SHTN1: variants seen among roughly 807,000 people sequenced by gnomAD.
SHTN1 encodes shootin 1.
Under a neutral mutation model 83.1 loss-of-function variants are expected in SHTN1, and 42 were observed. The ratio of observed to expected loss-of-function variants is 0.51; its 90% CI spans 0.39 to 0.65. SHTN1 has a LOEUF of 0.65. Among genes scored for constraint, SHTN1 ranks in the 30% least tolerant of loss-of-function variants. The pLI is 0.00. For synonymous variants in SHTN1, 224 were observed against 247.7 expected (o/e 0.90, Z 0.90); for missense variants, 622 against 737.8 (o/e 0.84, Z 1.82).
intron 2 of SHTN1, among the ~76,000 whole-genome samples, chr10:117,026,518 A>G (rs1446114599): frequency 6.6e-6 from 1 of 151,504 alleles, no homozygotes; most frequent in African/African-American, 2.4e-5. Flanking sequence ...CTTCTCCCGA[A>G]TTCAAGCAAT....
chr10:116,954,157 C>G lies in SHTN1; in HGVS notation c.321G>C (p.Lys107Asn). ...CTTCAGTTATTACATCTGGTCCCAGCTTGGCCATGTACAACATGCTGATTC... is the reference window on the plus strand; with the variant it reads ...CTTCAGTTATTACATCTGGTCCCAGGTTGGCCATGTACAACATGCTGATTC... ...LKRISMLYMA[K>N]LGPDVITEEI... The change falls in exon 5 of 17, where the codon AAG becomes AAC. Residue 107 changes from lysine (K) to asparagine (N), a missense_variant. Transcript: ENST00000355371. 6.2e-7 allele frequency: 1 copy of G among 1,613,596 alleles called. No homozygotes were observed. Among genetic ancestry groups the G allele is most frequent in the Non-Finnish European group, 8.5e-7 (1 of 1,179,730 alleles).
chr10:116,949,389 C>T lies in SHTN1; in HGVS notation c.535-392G>A, dbSNP rs561568928. Reference sequence around the variant, plus strand: ...AAGCAATCCTCCTGCTTCAGCCTCCCGAAGTGCTGGGATTACAGGCGTGAG... The same window carrying T: ...AAGCAATCCTCCTGCTTCAGCCTCCTGAAGTGCTGGGATTACAGGCGTGAG... On this transcript the variant is annotated intron_variant, in intron 6 of 16. Transcript: ENST00000355371. Among the ~76,000 whole-genome samples, 10 of 152,190 alleles carry T rather than the reference C, an allele frequency of 6.6e-5. No individual in the cohort carries two copies. The East Asian group carries it at 9.7e-4, about 15-fold the overall frequency.
chr10:116,904,442 T>C (rs1847879857), intron 15 of SHTN1, among the ~76,000 whole-genome samples: 1 of 152,260 alleles, frequency 6.6e-6, no homozygotes, highest in South Asian at 2.1e-4. Context: ...CCTTCCTTTT[T>C]TTTTTTTCTT....
chr10:117,075,728 G>A (rs1432023731), intron 1 of SHTN1, among the ~76,000 whole-genome samples: 1 of 152,040 alleles, frequency 6.6e-6, no homozygotes, highest in Admixed American at 6.6e-5. Context: ...AGTTAGAATG[G>A]GTTAGAGGAA....
intron 9 of SHTN1, among the ~76,000 whole-genome samples, chr10:116,931,228 TTTTTTGTTTTGTTTCG>T (rs1260760469): frequency 6.6e-6 from 1 of 151,798 alleles, no homozygotes; most frequent in Non-Finnish European, 1.5e-5. Context: ...ACTGAAGTGG[TTTTTTGTTTTGTTTCG>T]TTTTTGTTTT....
intron 3 of SHTN1, among the ~76,000 whole-genome samples, chr10:116,962,207 CAGA>C (rs1281825985): frequency 6.6e-6 from 1 of 152,036 alleles, no homozygotes; most frequent in African/African-American, 2.4e-5. Context: ...GTGTTTATGC[CAGA>C]AGAACAAATA....
chr10:116,954,275 A>T (rs1418189291), intron 4 of SHTN1, 65 bp from the exon 5 acceptor site: 1 of 1,055,048 alleles, frequency 9.5e-7, no homozygotes, highest in African/African-American at 1.6e-5. Context: ...ATTTTTAAAC[A>T]ATAGACAAAT....
chr10:117,104,698 G>C (rs1034243962), intron 1 of SHTN1, among the ~76,000 whole-genome samples: 5 of 152,062 alleles, frequency 3.3e-5, no homozygotes, highest in South Asian at 2.1e-4. Context: ...GGCGTGAACC[G>C]GGGAGGCGGA....
chr10:117,071,389 C>T (rs1226117042), intron 1 of SHTN1, among the ~76,000 whole-genome samples: 1 of 152,164 alleles, frequency 6.6e-6, no homozygotes, highest in Non-Finnish European at 1.5e-5. Flanking sequence ...ATGAAATCTG[C>T]ATGTCAGGAA....
At chr10:116,954,705 C>A (rs1485632900) in intron 4 of SHTN1, among the ~76,000 whole-genome samples, 1 of 152,086 alleles carries the variant, frequency 6.6e-6, no homozygotes, top group African/African-American at 2.4e-5. Flanking sequence ...GCGAATTAGT[C>A]CAGGGATTAA....
intron 1 of SHTN1, among the ~76,000 whole-genome samples, chr10:117,000,898 A>G (rs1326442046): frequency 6.6e-6 from 1 of 152,182 alleles, no homozygotes; most frequent in Non-Finnish European, 1.5e-5. Flanking sequence ...GGTCTTATTC[A>G]GCTCTATCTC....
At chr10:116,988,721 T>G (rs975266664) in intron 1 of SHTN1, among the ~76,000 whole-genome samples, 3 of 151,916 alleles carry the variant, frequency 2.0e-5, no homozygotes, top group African/African-American at 4.8e-5. Flanking sequence ...TTTTTATTTT[T>G]TGTAGGGAGG....
intron 1 of SHTN1, among the ~76,000 whole-genome samples, chr10:116,995,055 AAAC>A (rs1851580584): frequency 6.6e-6 from 1 of 152,118 alleles, no homozygotes; most frequent in Non-Finnish European, 1.5e-5. Context: ...TATATCTCAC[AAAC>A]AACCAAATTT....
chr10:116,996,320 C>T (rs1270907039), intron 1 of SHTN1, among the ~76,000 whole-genome samples: 1 of 152,136 alleles, frequency 6.6e-6, no homozygotes, highest in East Asian at 1.9e-4. Context: ...CTGTGAGTCT[C>T]CAAACTAACA....
At chr10:117,054,609 GT>G (rs912219532) in intron 1 of SHTN1, among the ~76,000 whole-genome samples, 1 of 151,780 alleles carries the variant, frequency 6.6e-6, no homozygotes, top group Non-Finnish European at 1.5e-5. Context: ...AGGTTTCACG[GT>G]GTTAGCCAGG....
At chr10:117,075,653 G>A (rs1853140877) in intron 1 of SHTN1, among the ~76,000 whole-genome samples, 1 of 152,114 alleles carries the variant, frequency 6.6e-6, no homozygotes, top group African/African-American at 2.4e-5. Flanking sequence ...GTTGGGAGTG[G>A]TCAGGAAGAT....
intron 1 of SHTN1, among the ~76,000 whole-genome samples, chr10:117,091,058 T>C (rs1033207799): frequency 4.6e-5 from 7 of 152,114 alleles, no homozygotes; most frequent in Admixed American, 2.6e-4. Context: ...GAAGAGAAGA[T>C]TGAAAGCACA....
intron 1 of SHTN1, among the ~76,000 whole-genome samples, chr10:117,097,628 T>C (rs925658834): frequency 6.6e-6 from 1 of 152,196 alleles, no homozygotes. Context: ...AGCAGAAAGA[T>C]ATGAAGGTTA....
chr10:116,998,419 T>G (rs753501759), intron 1 of SHTN1, among the ~76,000 whole-genome samples: 60 of 152,068 alleles, frequency 3.9e-4, no homozygotes, highest in Admixed American at 6.6e-4. Flanking sequence ...ACAAGATATT[T>G]TGAGAGAGAG....
Sources: allele counts gnomAD v4.1 joint callset (sites outside exome capture counted in the v4.1 genomes callset), GRCh38; gene constraint gnomAD v4.1.1; transcripts MANE v1.5; gene names NCBI Gene and HGNC (gene_info 2026-07-23, HGNC 2026-07-21).